The following LY75 variants were observed in gnomAD, a reference collection of about 807,000 sequenced individuals.
The protein encoded by LY75 is C-type lectin domain family 13 member B.
In LY75, 185 loss-of-function variants were observed where a neutral mutation model predicts 231.7. The ratio of observed to expected loss-of-function variants is 0.80; its 90% CI spans 0.71 to 0.90. The LOEUF (loss-of-function observed/expected upper bound fraction) is 0.90. LY75 is among the 40% of genes least tolerant of loss of function. The probability of loss-of-function intolerance (pLI) is 0.00; values close to 1 mark genes in which losing one functional copy is unlikely to be tolerated. For missense variants in LY75, 1,947 were observed against 2,050.2 expected, an observed-to-expected ratio of 0.95 and a Z score of 0.97; for synonymous variants, 668 against 689.0, an observed-to-expected ratio of 0.97 and a Z score of 0.48.
At chr2:159,811,441 C>G (rs1036400539) in intron 31 of LY75, among the ~76,000 whole-genome samples, 2 of 151,678 alleles carry the variant, frequency 1.3e-5, no homozygotes, top group African/African-American at 4.9e-5. Flanking sequence ...GTTTTTAATT[C>G]CAACCGAAGA....
intron 14 of LY75, among the ~76,000 whole-genome samples, chr2:159,863,510 T>C (rs1296743055): frequency 6.6e-6 from 1 of 152,204 alleles, no homozygotes; most frequent in Non-Finnish European, 1.5e-5. Context: ...TGGGAGGTGA[T>C]AACTTACTAT....
At chr2:159,893,521 T>A (rs927253418) in intron 3 of LY75, among the ~76,000 whole-genome samples, 1 of 152,210 alleles carries the variant, frequency 6.6e-6, no homozygotes, top group African/African-American at 2.4e-5. Context: ...TCTCTTCTTC[T>A]GCTCCGTGAA....
rs1684604046 is a variant in LY75, at chr2:159,858,350, ACTACCACTTAC to A, written c.2383+1_2383+11del. On this transcript the variant is annotated splice_donor_variant and splice_donor_5th_base_variant and intron_variant, in intron 16 of 34. Transcript: ENST00000263636. LOFTEE classifies it high-confidence loss of function. ...CATGAGAAGGTTGTGAAAAGGAATA[ACTACCACTTAC>A]CTTTTGGAATTTGGCACACCCATTC... is the stretch of plus-strand genomic sequence containing the variant. 11 of 1,611,808 alleles carry A rather than the reference ACTACCACTTAC, an allele frequency of 6.8e-6. No homozygotes were observed. The highest frequency in any genetic ancestry group is 1.3e-5 in the African/African-American group (1 of 74,778).
intron 32 of LY75, among the ~76,000 whole-genome samples, chr2:159,809,594 T>C (rs1024249667): frequency 1.3e-5 from 2 of 152,146 alleles, no homozygotes; most frequent in African/African-American, 4.8e-5. Flanking sequence ...TTTCCAATCA[T>C]TTGTCAGTAT....
rs2292389 is a variant in LY75 at position 159,878,999 on chromosome 2, T to A, written c.1515+260A>T. The stretch of plus-strand genomic sequence containing the variant: ...TCACTGGATGAATTATTTTTGAATA[T>A]TGATATTAGTGGGGGAAGTAAAGAC... On this transcript the variant is annotated intron_variant, in intron 9 of 34. Coordinates refer to ENST00000263636, the MANE Select transcript of LY75 (RefSeq NM_002349.4). Among the ~76,000 whole-genome samples the A allele has an allele frequency of 3.4e-3, 515 of 152,260 alleles. 26 individuals are homozygous for A. In the East Asian group the frequency reaches 0.092, roughly 27 times the overall value.
intron 28 of LY75, among the ~76,000 whole-genome samples, chr2:159,830,953 C>T (rs1683637214): frequency 6.6e-6 from 1 of 152,186 alleles, no homozygotes; most frequent in African/African-American, 2.4e-5. Context: ...AAACCCAAAA[C>T]TGCAACACTA....
At chr2:159,881,872 A>G (rs1366680462) in intron 7 of LY75, among the ~76,000 whole-genome samples, 1 of 152,208 alleles carries the variant, frequency 6.6e-6, no homozygotes, top group African/African-American at 2.4e-5. Flanking sequence ...TAAATTAATT[A>G]AGATGAAATA....
At chr2:159,840,629 A>G (rs900299695) in intron 25 of LY75, 100 bp downstream of exon 25, 24 of 1,508,540 alleles carry the variant, frequency 1.6e-5, no homozygotes, top group Middle Eastern at 1.9e-4. Flanking sequence ...TAAGATTTTC[A>G]GTTCTTCTGT....
intron 4 of LY75, among the ~76,000 whole-genome samples, chr2:159,887,653 A>G (rs560624666): frequency 1.3e-4 from 20 of 152,112 alleles, no homozygotes; most frequent in Non-Finnish European, 2.5e-4. Flanking sequence ...GTCTTGGGAA[A>G]CCAATAGTCA....
At chr2:159,841,058 T>C (rs1019965584) in intron 24 of LY75, 103 bp from the exon 25 acceptor site, 1 of 1,500,028 alleles carries the variant, frequency 6.7e-7, no homozygotes, top group African/African-American at 1.4e-5. Context: ...CTAATTTAGA[T>C]ATTATTTGCC....
At position 159,878,731 on chromosome 2, in the gene LY75, A is replaced by C. The variant is rs770988635; in HGVS notation, c.1516-10T>G. The C allele has an allele frequency of 2.2e-5, 36 of 1,613,516 alleles. No homozygotes were observed. The highest frequency in any genetic ancestry group is 6.7e-5 in the Admixed American group (4 of 59,938). On this transcript the variant is annotated splice_polypyrimidine_tract_variant and intron_variant, in intron 9 of 34. Coordinates refer to ENST00000263636, the MANE Select transcript of LY75 (RefSeq NM_002349.4). Reference sequence around the variant, plus strand: ...CATGTCTCTTCCAGCCCTAAGTCAGAGGAAAAATATTGTCAAACTCTTTTC... The same window carrying C: ...CATGTCTCTTCCAGCCCTAAGTCAGCGGAAAAATATTGTCAAACTCTTTTC...
At chr2:159,846,490 C>T (rs1196708644) in intron 23 of LY75, among the ~76,000 whole-genome samples, 1 of 152,034 alleles carries the variant, frequency 6.6e-6, no homozygotes, top group Non-Finnish European at 1.5e-5. Context: ...CACACTCCAG[C>T]CTGGGTGACA....
intron 31 of LY75, 49 bp downstream of exon 31, chr2:159,815,353 TAAA>T: frequency 6.5e-7 from 1 of 1,536,278 alleles, no homozygotes; most frequent in Non-Finnish European, 8.7e-7. Flanking sequence ...ATTATGTGCA[TAAA>T]TTATGTCACA....
intron 2 of LY75, 106 bp downstream of exon 2, chr2:159,898,582 C>T: frequency 6.7e-7 from 1 of 1,503,254 alleles, no homozygotes; most frequent in African/African-American, 1.4e-5. Context: ...AGCTTACTCA[C>T]TGCCCTTACT....
intron 6 of LY75, 80 bp from the exon 7 acceptor site, chr2:159,882,395 G>C: frequency 3.3e-6 from 5 of 1,527,858 alleles, no homozygotes; most frequent in Non-Finnish European, 4.4e-6. Context: ...CTTTTTTCTT[G>C]AATAATGAGA....
intron 14 of LY75, among the ~76,000 whole-genome samples, chr2:159,862,673 T>C (rs1433435667): frequency 5.5e-5 from 3 of 54,930 alleles, no homozygotes; most frequent in African/African-American, 1.5e-4. Flanking sequence ...AATGTATTTA[T>C]TTTATTTTTT....
In LY75 at chr2:159,870,049, TAATA is replaced by T. The variant is rs1684963210; in HGVS notation, c.2117+2398_2117+2401del. Among the ~76,000 whole-genome samples, 6 of 152,162 alleles carry T rather than the reference TAATA, an allele frequency of 3.9e-5. No individual in the cohort carries two copies. The South Asian group carries it at 1.0e-3, about 26-fold the overall frequency. On this transcript the variant is annotated intron_variant, in intron 13 of 34. Transcript: ENST00000263636. ...TACCTGAGATTCTACGATAGATGCT[TAATA>T]AATAAATATTTATGGAACACAGGTA...
intron 24 of LY75, 105 bp from the exon 25 acceptor site, chr2:159,841,060 T>C: frequency 6.7e-7 from 1 of 1,491,298 alleles, no homozygotes; most frequent in Non-Finnish European, 8.9e-7. Flanking sequence ...AATTTAGATA[T>C]TATTTGCCTA....
chr2:159,904,517 C>T, intron 1 of LY75, 72 bp downstream of exon 1: 1 of 1,433,136 alleles, frequency 7.0e-7, no homozygotes, highest in African/African-American at 1.5e-5. Context: ...AGCCCTGCCC[C>T]AGGCTGGAAG....
Sources: gnomAD v4.1 joint callset for allele counts (sites outside exome capture counted in the v4.1 genomes callset) on GRCh38, gnomAD v4.1.1 for gene constraint, MANE v1.5 for transcripts, NCBI Gene and HGNC (gene_info 2026-07-23, HGNC 2026-07-21) for gene names.